The following RFTN1 variants were observed in gnomAD, a reference collection of about 807,000 sequenced individuals.
RFTN1 encodes raftlin, lipid raft linker 1, also known as raftlin.
In RFTN1, 26 loss-of-function variants were observed where a neutral mutation model predicts 46.5. The observed-to-expected ratio is 0.56, with a 90% CI of 0.41 to 0.78. The LOEUF (loss-of-function observed/expected upper bound fraction) is 0.78. Ranked by LOEUF, RFTN1 falls within the 30% of genes least tolerant of loss-of-function variation. The pLI, the probability that RFTN1 is intolerant of heterozygous loss-of-function variation, is 0.00. For missense variants in RFTN1, 693 were observed against 718.7 expected (o/e 0.96, Z 0.41); for synonymous variants, 261 against 284.2 (o/e 0.92, Z 0.82).
chr3:16,468,895 C>T lies in RFTN1; in HGVS notation c.145+24830G>A, dbSNP rs1422002262. Among the ~76,000 whole-genome samples, 1 of 152,234 alleles carries T rather than the reference C, an allele frequency of 6.6e-6. No individual in the cohort carries two copies. Among genetic ancestry groups the T allele is most frequent in the Non-Finnish European group, 1.5e-5 (1 of 68,044 alleles). On this transcript the variant is annotated intron_variant, in intron 2 of 9. Coordinates refer to ENST00000334133, the MANE Select transcript of RFTN1 (RefSeq NM_015150.2). The surrounding 1 kb of genome is among the most constrained non-coding windows in gnomAD (Gnocchi z 4.4). The stretch of plus-strand genomic sequence containing the variant: ...GTATGCTTCCCCTTCCTGTGGCTGG[C>T]CCATTAGGGCAGGCATGCAGCCATT...
chr3:16,356,369 G>A lies in RFTN1; in HGVS notation c.1146+1563C>T, dbSNP rs1304480613. 2.0e-5 allele frequency among the ~76,000 whole-genome samples: 3 copies of A among 152,246 alleles called. No individual in the cohort carries two copies. Among genetic ancestry groups the A allele is most frequent in the African/African-American group, 4.8e-5 (2 of 41,540 alleles). ...TTCCCTCAGGACTTCTGGCCCCTAC[G>A]CTAACCAGCCCCGGATGCTGTGACT... On this transcript the variant is annotated intron_variant, in intron 7 of 9. Transcript: ENST00000334133. The surrounding 1 kb of genome is among the most constrained non-coding windows in gnomAD (Gnocchi z 4.9).
intron 7 of RFTN1, chr3:16,349,888 G>T (rs2071975847): frequency 6.6e-6 from 1 of 152,260 alleles, no homozygotes; most frequent in South Asian, 2.1e-4. Context: ...ATTCCAGCAG[G>T]AGTCGATGTT....
chr3:16,505,485 A>G (rs1267497237), intron 1 of RFTN1, among the ~76,000 whole-genome samples: 2 of 152,184 alleles, frequency 1.3e-5, no homozygotes, highest in East Asian at 3.8e-4. Flanking sequence ...AGAGGTATTT[A>G]TTATAAGGAA....
At chr3:16,347,301 A>AG (rs975993863) in intron 7 of RFTN1, among the ~76,000 whole-genome samples, 12 of 152,252 alleles carry the variant, frequency 7.9e-5, no homozygotes, top group South Asian at 4.1e-4. Context: ...TCCATTTTCT[A>AG]GGGGGGGCTA....
At position 16,320,759 on chromosome 3, in the gene RFTN1, G is replaced by A. The variant is rs78557953; in HGVS notation, c.1332+2617C>T. On this transcript the variant is annotated intron_variant, in intron 9 of 9. Transcript: ENST00000334133. The surrounding 1 kb of genome is among the most constrained non-coding windows in gnomAD (Gnocchi z 4.5). ...AGAACTGGAGGCCACAGAGGAGCTG[G>A]AGGCCACAGAGAATGGGAGGCTGGC... is the stretch of plus-strand genomic sequence containing the variant. Among the ~76,000 whole-genome samples the A allele has an allele frequency of 0.011, 1,601 of 152,266 alleles. 61 individuals are homozygous for A. Among genetic ancestry groups the A allele is most frequent in the East Asian group, 0.1 (537 of 5,184 alleles).
At chr3:16,478,052 T>C (rs1484357904) in intron 2 of RFTN1, among the ~76,000 whole-genome samples, 1 of 152,234 alleles carries the variant, frequency 6.6e-6, no homozygotes. Context: ...GGACCACTCT[T>C]GTTGATGGTC....
In RFTN1 at chr3:16,351,892, C is replaced by T. The variant is rs576972861; in HGVS notation, c.1146+6040G>A. ...GACTAGAAAGACTAGAAAAAAAAATCATGAAAACATGGATTCTGCAGTCAG... is the reference window on the plus strand; with the variant it reads ...GACTAGAAAGACTAGAAAAAAAAATTATGAAAACATGGATTCTGCAGTCAG... On this transcript the variant is annotated intron_variant, in intron 7 of 9. Transcript: ENST00000334133. This position sits in a 1 kb window ranked among gnomAD's most constrained non-coding sequence, Gnocchi z 5.4. Among the ~76,000 whole-genome samples, 131 of 152,002 alleles carry T rather than the reference C, an allele frequency of 8.6e-4. No homozygotes were observed. Among genetic ancestry groups the T allele is most frequent in the Non-Finnish European group, 1.2e-3 (80 of 67,972 alleles).
chr3:16,330,657 T>G (rs975766273), intron 7 of RFTN1, among the ~76,000 whole-genome samples: 1 of 152,240 alleles, frequency 6.6e-6, no homozygotes, highest in African/African-American at 2.4e-5. Flanking sequence ...AAATGGAGCA[T>G]GTCCTGTGGT....
chr3:16,332,301 T>C (rs894890460), intron 7 of RFTN1, among the ~76,000 whole-genome samples: 3 of 152,006 alleles, frequency 2.0e-5, no homozygotes. Context: ...TCTTACTCTT[T>C]TAATTTTGCT....
rs189151185 is a variant in RFTN1, at chr3:16,462,801, G to T, written c.146-28764C>A. On this transcript the variant is annotated intron_variant, in intron 2 of 9. Transcript: ENST00000334133. ...AAACTAATACACTACCTCAATGGGT[G>T]CAGGTCTCGTTTGACCTTTAAACTA... 9.2e-4 allele frequency among the ~76,000 whole-genome samples: 140 copies of T among 152,374 alleles called. 1 individual carries two copies. Among genetic ancestry groups the T allele is most frequent in the African/African-American group, 2.6e-3 (109 of 41,596 alleles).
chr3:16,494,796 T>C (rs1322873343), intron 1 of RFTN1, among the ~76,000 whole-genome samples: 1 of 152,230 alleles, frequency 6.6e-6, no homozygotes, highest in Non-Finnish European at 1.5e-5. Flanking sequence ...GTACTAAGGA[T>C]AAACGATGCT....
In RFTN1 at chr3:16,345,775, TTATAA is replaced by T. The variant is rs1219984194; in HGVS notation, c.1146+12152_1146+12156del. Among the ~76,000 whole-genome samples, 1 of 149,808 alleles carries T rather than the reference TTATAA, an allele frequency of 6.7e-6. No individual in the cohort carries two copies. The highest frequency in any genetic ancestry group is 1.5e-5 in the Non-Finnish European group (1 of 67,376). On this transcript the variant is annotated intron_variant, in intron 7 of 9. Transcript: ENST00000334133. The surrounding 1 kb of genome is among the most constrained non-coding windows in gnomAD (Gnocchi z 5.2). Reference sequence around the variant, plus strand: ...CTCCATAATCACATGAGCCAAAACCTTATAATAAATCTCTGTGTGTGTGTGTGTGT... The same window carrying T: ...CTCCATAATCACATGAGCCAAAACCTTAAATCTCTGTGTGTGTGTGTGTGT...
In RFTN1 at chr3:16,510,366, CT is replaced by C. The variant is rs1404742627; in HGVS notation, c.-9+3075del. 2.1e-4 allele frequency among the ~76,000 whole-genome samples: 32 copies of C among 152,270 alleles called. No homozygotes were observed. In the East Asian group the frequency reaches 5.0e-3, roughly 24 times the overall value. ...TTCTGTGGGGCTTGGGGTTATTTTT[CT>C]TTTTATAGAAAGCACTCAATCAATC... On this transcript the variant is annotated intron_variant, in intron 1 of 9. Transcript: ENST00000334133.
intron 2 of RFTN1, among the ~76,000 whole-genome samples, chr3:16,444,943 T>C (rs2075699487): frequency 6.6e-6 from 1 of 152,228 alleles, no homozygotes; most frequent in Non-Finnish European, 1.5e-5. Context: ...ATGTTTAGTA[T>C]TAGAAATGTT....
chr3:16,466,982 G>A lies in RFTN1; in HGVS notation c.145+26743C>T, dbSNP rs1052227368. Among the ~76,000 whole-genome samples the A allele has an allele frequency of 1.3e-5, 2 of 152,206 alleles. No individual in the cohort carries two copies. Among genetic ancestry groups the A allele is most frequent in the Non-Finnish European group, 2.9e-5 (2 of 68,044 alleles). On this transcript the variant is annotated intron_variant, in intron 2 of 9. Transcript: ENST00000334133. This position sits in a 1 kb window ranked among gnomAD's most constrained non-coding sequence, Gnocchi z 5.6. ...GGGATGGATGCAAAGGCCAGATGTG[G>A]GAGAAAGAGACTGGCAGGCCTAAGG...
At chr3:16,388,157 A>G (rs2074251714) in intron 4 of RFTN1, among the ~76,000 whole-genome samples, 1 of 152,064 alleles carries the variant, frequency 6.6e-6, no homozygotes, top group Non-Finnish European at 1.5e-5. Flanking sequence ...CCCTACCCCA[A>G]GATTTGTTCC....
chr3:16,389,927 T>G (rs769173129), intron 4 of RFTN1, among the ~76,000 whole-genome samples: 1 of 152,190 alleles, frequency 6.6e-6, no homozygotes, highest in Non-Finnish European at 1.5e-5. Context: ...CTTCTTCTCT[T>G]GGGATGCTTG....
At position 16,361,216 on chromosome 3, in the gene RFTN1, A is replaced by T. The variant is rs142776097; in HGVS notation, c.1031-3169T>A. On this transcript the variant is annotated intron_variant, in intron 6 of 9. Coordinates refer to ENST00000334133, the MANE Select transcript of RFTN1 (RefSeq NM_015150.2). This position sits in a 1 kb window ranked among gnomAD's most constrained non-coding sequence, Gnocchi z 4.3. Reference sequence around the variant, plus strand: ...CCTTAGAGGAGTCTAAAAATGGCATATAGGGCCTCAGAAGGGTGAGTGACA... The same window carrying T: ...CCTTAGAGGAGTCTAAAAATGGCATTTAGGGCCTCAGAAGGGTGAGTGACA... Among the ~76,000 whole-genome samples the T allele has an allele frequency of 4.8e-3, 733 of 152,330 alleles. 7 individuals carry two copies. Among genetic ancestry groups the T allele is most frequent in the African/African-American group, 0.016 (682 of 41,584 alleles).
chr3:16,357,352 T>C (rs1559854847), intron 7 of RFTN1, among the ~76,000 whole-genome samples: 1 of 152,176 alleles, frequency 6.6e-6, no homozygotes, highest in Non-Finnish European at 1.5e-5. Flanking sequence ...GGAATTCCCC[T>C]TCCCACAGCA....
Sources: allele counts gnomAD v4.1 joint callset (sites outside exome capture counted in the v4.1 genomes callset), GRCh38; gene constraint gnomAD v4.1.1; non-coding constraint Gnocchi (gnomAD v3.1); transcripts MANE v1.5; gene names NCBI Gene and HGNC (gene_info 2026-07-23, HGNC 2026-07-21).